The following KDM2A variants were observed in gnomAD, a reference collection of about 807,000 sequenced individuals.
KDM2A encodes lysine demethylase 2A, also known as lysine-specific demethylase 2A.
KDM2A carries 3 observed loss-of-function variants against 137.3 expected under a neutral mutation model. The ratio of observed to expected loss-of-function variants is 0.02; its 90% CI spans 0.01 to 0.06. KDM2A has a LOEUF of 0.06. Among genes scored for constraint, KDM2A ranks in the 10% least tolerant of loss-of-function variants. The pLI is 1.00. For synonymous variants in KDM2A, 512 were observed against 541.5 expected, an observed-to-expected ratio of 0.95 and a Z score of 0.76; for missense variants, 738 against 1,510.6, an observed-to-expected ratio of 0.49 and a Z score of 8.48.
chr11:67,223,038 C>A (rs969167277), intron 10 of KDM2A, among the ~76,000 whole-genome samples: 1 of 151,540 alleles, frequency 6.6e-6, no homozygotes, highest in Non-Finnish European at 1.5e-5. Context: ...ACTAAAAATA[C>A]AAAATTAGCC....
rs1858729808 is a variant in KDM2A, at chr11:67,231,812, C to T, written c.1331C>T (p.Ala444Val). 1 of 1,614,058 alleles carries T rather than the reference C, an allele frequency of 6.2e-7. No individual in the cohort carries two copies. Among genetic ancestry groups the T allele is most frequent in the Non-Finnish European group, 8.5e-7 (1 of 1,179,908 alleles). Residue 444 changes from alanine (A) to valine (V), a missense_variant, in exon 12 of 21, where the codon GCT becomes GTT. Ala to Val is a moderately conservative substitution (Grantham distance 64). Coordinates refer to ENST00000529006, the MANE Select transcript of KDM2A (RefSeq NM_012308.3). ...HNGQVWDPQC[A>V]PRKDRQVHLT... ...GGACAAGTGTGGGATCCCCAGTGTG[C>T]TCCCCGAAAGGACAGGCAAGTGCAT...
intron 5 of KDM2A, among the ~76,000 whole-genome samples, chr11:67,188,959 A>G (rs1173032700): frequency 6.6e-6 from 1 of 152,214 alleles, no homozygotes; most frequent in South Asian, 2.1e-4. Flanking sequence ...AGACATTTCT[A>G]TACAGTAATA....
intron 10 of KDM2A, among the ~76,000 whole-genome samples, chr11:67,226,930 C>T (rs1858564865): frequency 6.6e-6 from 1 of 151,890 alleles, no homozygotes; most frequent in African/African-American, 2.4e-5. Context: ...AAGAGCAAGA[C>T]CCTGTCTCTA....
intron 2 of KDM2A, among the ~76,000 whole-genome samples, chr11:67,134,855 T>A (rs549058672): frequency 3.9e-5 from 6 of 152,298 alleles, no homozygotes; most frequent in Non-Finnish European, 8.8e-5. Context: ...AGTCTCACAT[T>A]GTGTTTCCCA....
chr11:67,122,350 G>A, intron 2 of KDM2A, among the ~76,000 whole-genome samples: 1 of 152,092 alleles, frequency 6.6e-6, no homozygotes, highest in East Asian at 1.9e-4. Context: ...TATTGAGATT[G>A]AGTCTCACTC....
chr11:67,139,075 A>G (rs947987512), intron 2 of KDM2A, among the ~76,000 whole-genome samples: 1 of 152,126 alleles, frequency 6.6e-6, no homozygotes, highest in South Asian at 2.1e-4. Context: ...GTTTCTGAAG[A>G]CTGCTTCTCC....
chr11:67,236,274 G>T (rs1052615558), intron 12 of KDM2A, among the ~76,000 whole-genome samples: 3 of 152,088 alleles, frequency 2.0e-5, no homozygotes, highest in Admixed American at 6.6e-5. Context: ...GGGATTATAG[G>T]TGTGTGCCAC....
intron 18 of KDM2A, among the ~76,000 whole-genome samples, 190 bp from the exon 19 acceptor site, chr11:67,253,263 C>T (rs1859492750): frequency 1.3e-5 from 2 of 152,162 alleles, no homozygotes; most frequent in Non-Finnish European, 2.9e-5. Context: ...ACTAAGCAAT[C>T]AATTTACCAC....
At chr11:67,164,328 C>T (rs1217315818) in intron 2 of KDM2A, among the ~76,000 whole-genome samples, 4 of 152,054 alleles carry the variant, frequency 2.6e-5, no homozygotes, top group African/African-American at 9.7e-5. Context: ...AGAATTTTAG[C>T]TTGATTGAAG....
intron 2 of KDM2A, among the ~76,000 whole-genome samples, chr11:67,174,742 A>G (rs918100965): frequency 2.6e-5 from 4 of 152,244 alleles, no homozygotes; most frequent in African/African-American, 7.2e-5. Context: ...TGGATTCTAA[A>G]TAACATGATT....
chr11:67,161,815 T>G (rs1856645534), intron 2 of KDM2A, among the ~76,000 whole-genome samples: 1 of 152,228 alleles, frequency 6.6e-6, no homozygotes, highest in Non-Finnish European at 1.5e-5. Context: ...AGAAGTATAG[T>G]AGAGGTTTCT....
chr11:67,162,447 C>T (rs907355605), intron 2 of KDM2A, among the ~76,000 whole-genome samples: 2 of 152,158 alleles, frequency 1.3e-5, no homozygotes, highest in Non-Finnish European at 2.9e-5. Flanking sequence ...TTCTGTCACC[C>T]AGGCTGGAGT....
chr11:67,220,944 C>T (rs563467951), intron 10 of KDM2A, among the ~76,000 whole-genome samples: 1 of 150,594 alleles, frequency 6.6e-6, no homozygotes, highest in Non-Finnish European at 1.5e-5. Flanking sequence ...ATTAGGTGTT[C>T]ATGCACGTAT....
intron 2 of KDM2A, among the ~76,000 whole-genome samples, chr11:67,170,164 T>C (rs902275577): frequency 6.6e-6 from 1 of 152,108 alleles, no homozygotes; most frequent in African/African-American, 2.4e-5. Context: ...TTCAAACACC[T>C]TGTGATAGAA....
chr11:67,149,745 T>C lies in KDM2A; in HGVS notation c.42+28387T>C, dbSNP rs920434343. On this transcript the variant is annotated intron_variant, in intron 2 of 20. Coordinates refer to ENST00000529006, the MANE Select transcript of KDM2A (RefSeq NM_012308.3). ...ATCTTTTTTTTTTTTTTTTTGACAG[T>C]GTTTTCTCTTTTTTGCCTAGGCTGG... Among the ~76,000 whole-genome samples, 3 of 147,758 alleles carry C rather than the reference T, an allele frequency of 2.0e-5. No individual in the cohort carries two copies. The Admixed American group carries it at 2.1e-4, about 10-fold the overall frequency.
At chr11:67,173,527 G>C (rs1856919458) in intron 2 of KDM2A, among the ~76,000 whole-genome samples, 1 of 151,986 alleles carries the variant, frequency 6.6e-6, no homozygotes. Context: ...ATTGTGCTGG[G>C]ATTACAGGTG....
At chr11:67,174,588 C>A (rs1856940988) in intron 2 of KDM2A, among the ~76,000 whole-genome samples, 1 of 152,068 alleles carries the variant, frequency 6.6e-6, no homozygotes, top group African/African-American at 2.4e-5. Context: ...AACTAATACT[C>A]CTGCAGTTTG....
chr11:67,189,637 C>T (rs906621581), intron 5 of KDM2A, among the ~76,000 whole-genome samples: 5 of 152,162 alleles, frequency 3.3e-5, no homozygotes, highest in Middle Eastern at 6.8e-3. Context: ...GTCAGGAGTT[C>T]GAGACCAGCC....
chr11:67,239,806 C>T (rs1195439512), intron 12 of KDM2A, among the ~76,000 whole-genome samples: 2 of 152,236 alleles, frequency 1.3e-5, no homozygotes, highest in Admixed American at 1.3e-4. Context: ...TTGGCTGGCG[C>T]CTTCAGAAGT....
Sources: gnomAD v4.1 joint callset for allele counts (sites outside exome capture counted in the v4.1 genomes callset) on GRCh38, gnomAD v4.1.1 for gene constraint, MANE v1.5 for transcripts, NCBI Gene and HGNC (gene_info 2026-07-23, HGNC 2026-07-21) for gene names.